SLC25A26: variants seen among roughly 807,000 people sequenced by gnomAD.
The protein encoded by SLC25A26 is solute carrier family 25 member 26.
SLC25A26 carries 36 observed loss-of-function variants against 37.8 expected under a neutral mutation model. The ratio of observed to expected loss-of-function variants is 0.95; its 90% confidence interval spans 0.73 to 1.26. The LOEUF (loss-of-function observed/expected upper bound fraction) is 1.26. Among genes scored for constraint, SLC25A26 ranks in the 50% most tolerant of loss-of-function variants. The pLI is 0.00. For missense variants in SLC25A26, 390 were observed against 331.1 expected (o/e 1.18, Z -1.38); for synonymous variants, 129 against 122.5 (o/e 1.05, Z -0.35).
intron 1 of SLC25A26, among the ~76,000 whole-genome samples, chr3:66,144,441 C>T (rs922688493): frequency 1.3e-5 from 2 of 152,132 alleles, no homozygotes; most frequent in Non-Finnish European, 2.9e-5. Context: ...CTGGTGTTCC[C>T]CAAGCACTTC....
intron 1 of SLC25A26, among the ~76,000 whole-genome samples, chr3:66,155,161 A>G (rs1336192784): frequency 6.6e-6 from 1 of 152,196 alleles, no homozygotes; most frequent in Non-Finnish European, 1.5e-5. Context: ...GTGTCCCTTT[A>G]CCTTTTAGCC....
chr3:66,228,170 T>C lies in SLC25A26; in HGVS notation c.33+7043T>C, dbSNP rs993190017. Among the ~76,000 whole-genome samples, 34 of 152,236 alleles carry C rather than the reference T, an allele frequency of 2.2e-4. 1 individual carries two copies. Among genetic ancestry groups the C allele is most frequent in the Admixed American group, 2.2e-3 (33 of 15,284 alleles). On this transcript the variant is annotated intron_variant, in intron 1 of 9. Coordinates refer to ENST00000354883, the MANE Select transcript of SLC25A26 (RefSeq NM_001379210.1). ...CAAATTTTGCTCAGCCCGTGGAGCA[T>C]GCAAAGCACTGCTTGGAGAGCACCA...
chr3:66,376,794 T>C (rs2107880700), intron 9 of SLC25A26, among the ~76,000 whole-genome samples: 1 of 152,338 alleles, frequency 6.6e-6, no homozygotes, highest in African/African-American at 2.4e-5. Context: ...GGGCCAGGAA[T>C]GTGTCCTATA....
intron 5 of SLC25A26, among the ~76,000 whole-genome samples, chr3:66,300,587 A>G (rs55740049): frequency 0.064 from 9,750 of 152,216 alleles, 351 homozygotes; most frequent in South Asian, 0.074. Flanking sequence ...TTTAAGATCC[A>G]TAACAGAATA....
intron 5 of SLC25A26, among the ~76,000 whole-genome samples, chr3:66,340,877 T>G (rs146447783): frequency 7.4e-6 from 1 of 135,408 alleles, no homozygotes; most frequent in East Asian, 3.4e-4. Flanking sequence ...ATTGTAAATA[T>G]AATTTTTTGT....
chr3:66,150,567 TAAAA>T (rs1381282100), intron 1 of SLC25A26, among the ~76,000 whole-genome samples: 4 of 122,586 alleles, frequency 3.3e-5, no homozygotes, highest in Non-Finnish European at 6.7e-5. Context: ...ATGATATATA[TAAAA>T]ATATATATAT....
At chr3:66,283,819 T>C (rs1379568184) in intron 5 of SLC25A26, among the ~76,000 whole-genome samples, 1 of 152,262 alleles carries the variant, frequency 6.6e-6, no homozygotes, top group African/African-American at 2.4e-5. Flanking sequence ...AGAAACTTTC[T>C]ATAAGACTCT....
At chr3:66,221,473 A>G (rs1008067425) in intron 1 of SLC25A26, among the ~76,000 whole-genome samples, 2 of 152,196 alleles carry the variant, frequency 1.3e-5, no homozygotes, top group African/African-American at 4.8e-5. Flanking sequence ...AAAGAAATGT[A>G]TGTAACACAA....
At chr3:66,177,970 G>A (rs1258580692) in intron 1 of SLC25A26, among the ~76,000 whole-genome samples, 1 of 152,168 alleles carries the variant, frequency 6.6e-6, no homozygotes, top group East Asian at 1.9e-4. Flanking sequence ...TATTGTGTGT[G>A]TGTTTGTTTG....
intron 1 of SLC25A26, 113 bp from the exon 2 acceptor site, chr3:66,236,431 G>A (rs1338303347): frequency 5.3e-6 from 4 of 749,074 alleles, no homozygotes; most frequent in Non-Finnish European, 7.7e-6. Flanking sequence ...GGACTGAAAG[G>A]AATGAGAAAT....
chr3:66,227,283 CTGTT>C (rs2071802694), intron 1 of SLC25A26, among the ~76,000 whole-genome samples: 1 of 152,182 alleles, frequency 6.6e-6, no homozygotes, highest in African/African-American at 2.4e-5. Flanking sequence ...CCATGGCCAG[CTGTT>C]TGTTCTCTAA....
At chr3:66,337,589 A>G (rs1018175376) in intron 5 of SLC25A26, among the ~76,000 whole-genome samples, 1 of 152,092 alleles carries the variant, frequency 6.6e-6, no homozygotes, top group Non-Finnish European at 1.5e-5. Context: ...ACAAACCCCC[A>G]GAAATTAAAA....
At position 66,372,478 on chromosome 3, in the gene SLC25A26, T is replaced by A. The variant is rs1415341589; in HGVS notation, c.707+1876T>A. 7.9e-5 allele frequency among the ~76,000 whole-genome samples: 12 copies of A among 152,314 alleles called. No homozygotes were observed. In the East Asian group the frequency reaches 2.1e-3, roughly 27 times the overall value. On this transcript the variant is annotated intron_variant, in intron 9 of 9. Transcript: ENST00000354883. ...TACTTGACGTTATAATACTAAGCAG[T>A]GCCAGAAATACAGGCAGAGGAGGGG...
At chr3:66,291,495 T>C (rs985230748) in intron 5 of SLC25A26, among the ~76,000 whole-genome samples, 1 of 152,344 alleles carries the variant, frequency 6.6e-6, no homozygotes, top group East Asian at 1.9e-4. Flanking sequence ...GAGATTCCGG[T>C]ACGTTGTGTA....
Position 66,180,657 on chromosome 3 carries a change from C to T in SLC25A26, c.-353-40085C>T, listed in dbSNP as rs141488903. On this transcript the variant is annotated intron_variant, in intron 1 of 10. Coordinates refer to the SLC25A26 transcript ENST00000676754. ...CAGAAGTCAGAGCTGAAAAATTTTG[C>T]TGCAGTGCCTGTTGTTGACCTGATG... 4.4e-3 allele frequency among the ~76,000 whole-genome samples: 675 copies of T among 152,054 alleles called. 8 individuals carry two copies. The highest frequency in any genetic ancestry group is 0.014 in the African/African-American group (561 of 41,452).
intron 1 of SLC25A26, among the ~76,000 whole-genome samples, chr3:66,231,312 T>C (rs956916733): frequency 1.3e-5 from 2 of 152,136 alleles, no homozygotes; most frequent in Non-Finnish European, 2.9e-5. Context: ...GGTTCTTAGT[T>C]ACCGTTTGCT....
At chr3:66,299,861 G>T (rs1163273699) in intron 5 of SLC25A26, among the ~76,000 whole-genome samples, 2 of 152,164 alleles carry the variant, frequency 1.3e-5, no homozygotes, top group Admixed American at 6.6e-5. Context: ...TTTTTCAGGG[G>T]ATGGTATCAT....
intron 6 of SLC25A26, among the ~76,000 whole-genome samples, chr3:66,357,826 T>G (rs2076611397): frequency 6.6e-6 from 1 of 152,214 alleles, no homozygotes; most frequent in African/African-American, 2.4e-5. Context: ...GAGCTGTATA[T>G]GATAGTGAGG....
intron 9 of SLC25A26, among the ~76,000 whole-genome samples, chr3:66,370,981 T>C (rs1342112809): frequency 2.0e-5 from 3 of 152,220 alleles, no homozygotes; most frequent in African/African-American, 7.2e-5. Context: ...TTAACTATTA[T>C]TAGTAACAAA....
Sources: gnomAD v4.1 joint callset for allele counts (sites outside exome capture counted in the v4.1 genomes callset) on GRCh38, gnomAD v4.1.1 for gene constraint, MANE v1.5 for transcripts, NCBI Gene and HGNC (gene_info 2026-07-23, HGNC 2026-07-21) for gene names.